Variants in TMEM132C observed in about 807,000 individuals in gnomAD.
The protein encoded by TMEM132C is transmembrane protein 132C.
TMEM132C carries 29 observed loss-of-function variants against 61.4 expected under a neutral mutation model. The observed-to-expected ratio is 0.47, with a 90% CI of 0.35 to 0.64. TMEM132C has a LOEUF of 0.64. TMEM132C is among the 30% of genes least tolerant of loss of function. The pLI is 0.00. For missense variants in TMEM132C, 1,408 were observed against 1,476.9 expected (o/e 0.95, Z 0.76); for synonymous variants, 656 against 633.1 (o/e 1.04, Z -0.54).
At chr12:128,338,777 T>TATATATATATATA (rs1565905368) in intron 1 of TMEM132C, among the ~76,000 whole-genome samples, 6 of 149,158 alleles carry the variant, frequency 4.0e-5, no homozygotes, top group African/African-American at 1.5e-4. Flanking sequence ...TATATATATA[T>TATATATATATATA]TTTGCACAAA....
intron 3 of TMEM132C, among the ~76,000 whole-genome samples, chr12:128,612,992 C>T (rs931076078): frequency 1.3e-5 from 2 of 152,100 alleles, no homozygotes; most frequent in African/African-American, 4.8e-5. Flanking sequence ...GCCTCTGAGT[C>T]TCGGAGAGAT....
chr12:128,340,916 TTCTCTCTCTCTC>T (rs71989914), intron 1 of TMEM132C, among the ~76,000 whole-genome samples: 8 of 128,266 alleles, frequency 6.2e-5, no homozygotes, highest in South Asian at 2.5e-4. Flanking sequence ...CTCTCTCTCT[TTCTCTCTCTCTC>T]TCTCTCTCTC....
intron 3 of TMEM132C, among the ~76,000 whole-genome samples, chr12:128,598,479 C>G (rs1876049500): frequency 6.6e-6 from 1 of 152,020 alleles, no homozygotes; most frequent in African/African-American, 2.4e-5. Flanking sequence ...AGACAGCTCC[C>G]CAGCCCCCCT....
At chr12:128,692,764 TG>T (rs1173831181) in intron 5 of TMEM132C, among the ~76,000 whole-genome samples, 2 of 152,304 alleles carry the variant, frequency 1.3e-5, no homozygotes, top group East Asian at 3.9e-4. Flanking sequence ...CTTGCTACAC[TG>T]GGAATGCCCT....
chr12:128,399,503 A>C (rs1184147427), intron 1 of TMEM132C, among the ~76,000 whole-genome samples: 1 of 152,056 alleles, frequency 6.6e-6, no homozygotes, highest in Non-Finnish European at 1.5e-5. Context: ...GTATTATACA[A>C]CTCTAAATCC....
chr12:128,290,665 T>C (rs1403024061), intron 1 of TMEM132C, among the ~76,000 whole-genome samples: 1 of 152,084 alleles, frequency 6.6e-6, no homozygotes. Context: ...TCAACCAACA[T>C]ACAAGTCAGC....
intron 4 of TMEM132C, among the ~76,000 whole-genome samples, chr12:128,616,944 A>G (rs1224010375): frequency 1.3e-5 from 2 of 152,244 alleles, no homozygotes; most frequent in Non-Finnish European, 2.9e-5. Flanking sequence ...GAATCATGCT[A>G]TGAGAAATGG....
chr12:128,380,141 T>G (rs534604061), intron 1 of TMEM132C, among the ~76,000 whole-genome samples: 1 of 152,380 alleles, frequency 6.6e-6, no homozygotes, highest in African/African-American at 2.4e-5. Flanking sequence ...TAAAACAACA[T>G]GCACTCCTGT....
At chr12:128,663,307 G>GT in intron 4 of TMEM132C, among the ~76,000 whole-genome samples, 1 of 152,306 alleles carries the variant, frequency 6.6e-6, no homozygotes, top group East Asian at 1.9e-4. Context: ...GATTTGCCTG[G>GT]TGTGGACATT....
At chr12:128,468,942 T>C (rs1426306594) in intron 2 of TMEM132C, among the ~76,000 whole-genome samples, 1 of 152,184 alleles carries the variant, frequency 6.6e-6, no homozygotes, top group Non-Finnish European at 1.5e-5. Flanking sequence ...AGACTCAATG[T>C]GGGAAACATT....
chr12:128,350,053 A>G (rs556064136), intron 1 of TMEM132C, among the ~76,000 whole-genome samples: 54 of 152,296 alleles, frequency 3.5e-4, no homozygotes, highest in African/African-American at 1.1e-3. Context: ...TTCATCTTCA[A>G]TTACATTTTT....
chr12:128,634,830 G>A (rs1317590975), intron 4 of TMEM132C, among the ~76,000 whole-genome samples: 1 of 152,208 alleles, frequency 6.6e-6, no homozygotes. Flanking sequence ...CTTTGCCTGT[G>A]CCAGAGCCTG....
At chr12:128,397,127 A>G (rs924311228) in intron 1 of TMEM132C, among the ~76,000 whole-genome samples, 1 of 152,152 alleles carries the variant, frequency 6.6e-6, no homozygotes, top group Non-Finnish European at 1.5e-5. Context: ...CACTGGCCCC[A>G]GGGTGGGGGA....
chr12:128,353,518 G>C (rs970489618), intron 1 of TMEM132C, among the ~76,000 whole-genome samples: 3 of 152,200 alleles, frequency 2.0e-5, no homozygotes, highest in Admixed American at 1.3e-4. Context: ...CAAAGCTGAG[G>C]ACAGGTCAAC....
intron 2 of TMEM132C, among the ~76,000 whole-genome samples, chr12:128,541,287 CCTCCATGGATTCAGCTATCAGGAAG>C (rs1873741542): frequency 6.6e-6 from 1 of 152,216 alleles, no homozygotes; most frequent in East Asian, 1.9e-4. Context: ...CTTCCAGGAA[CCTCCATGGATTCAGCTATCAGGAAG>C]CTCCCCAAAT....
At chr12:128,301,389 A>T (rs991792595) in intron 1 of TMEM132C, among the ~76,000 whole-genome samples, 1 of 152,228 alleles carries the variant, frequency 6.6e-6, no homozygotes, top group African/African-American at 2.4e-5. Context: ...TTTTAAAAAC[A>T]TTGTTCTTTT....
intron 4 of TMEM132C, among the ~76,000 whole-genome samples, chr12:128,663,428 G>T (rs1439540944): frequency 6.6e-6 from 1 of 152,126 alleles, no homozygotes; most frequent in Non-Finnish European, 1.5e-5. Flanking sequence ...CCTTTTTGTG[G>T]CTGAATAGTC....
At chr12:128,287,818 A>C (rs1871120897) in intron 1 of TMEM132C, among the ~76,000 whole-genome samples, 1 of 152,172 alleles carries the variant, frequency 6.6e-6, no homozygotes, top group African/African-American at 2.4e-5. Flanking sequence ...TTTTATCAGA[A>C]ACAATTTCTC....
At position 128,415,234 on chromosome 12, in the gene TMEM132C, T is replaced by C. The variant is rs1433543676; in HGVS notation, c.588T>C (p.Ala196=). Residue 196 remains alanine, a synonymous_variant, in exon 2 of 9, where the codon GCT becomes GCC. Transcript: ENST00000435159. The surrounding 1 kb of genome is among the most constrained non-coding windows in gnomAD (Gnocchi z 5.8). ...RLKGDLGLCV[A]ELELLSSWFS... is the part of the protein sequence containing the mutation. The stretch of plus-strand genomic sequence containing the variant: ...AGGGGGACCTGGGGCTGTGTGTGGC[T>C]GAGCTGGAGCTCCTGTCCAGCTGGT... 3.1e-6 allele frequency: 5 copies of C among 1,608,954 alleles called. No individual in the cohort carries two copies. Among genetic ancestry groups the C allele is most frequent in the African/African-American group, 2.7e-5 (2 of 74,650 alleles).
Sources: gnomAD v4.1 joint callset for allele counts (sites outside exome capture counted in the v4.1 genomes callset) on GRCh38, gnomAD v4.1.1 for gene constraint, Gnocchi (gnomAD v3.1) non-coding constraint, MANE v1.5 for transcripts, NCBI Gene and HGNC (gene_info 2026-07-23, HGNC 2026-07-21) for gene names.